Variants in COL4A1 observed in about 807,000 individuals in gnomAD.
The protein encoded by COL4A1 is collagen alpha-1(IV) chain.
COL4A1 carries 40 observed loss-of-function variants against 216.6 expected under a neutral mutation model. The ratio of observed to expected loss-of-function variants is 0.18; its 90% CI spans 0.14 to 0.24. The LOEUF is 0.24. COL4A1 is among the 10% of genes least tolerant of loss of function. The probability of loss-of-function intolerance (pLI) is 1.00; values close to 1 mark genes in which losing one functional copy is unlikely to be tolerated. For missense variants in COL4A1, 1,628 were observed against 2,196.8 expected, an observed-to-expected ratio of 0.74 and a Z score of 5.18; for synonymous variants, 839 against 810.7, an observed-to-expected ratio of 1.03 and a Z score of -0.59.
chr13:110,154,207 T>C (rs1395983770), intron 50 of COL4A1, among the ~76,000 whole-genome samples: 3 of 152,242 alleles, frequency 2.0e-5, no homozygotes, highest in Admixed American at 6.5e-5. Flanking sequence ...TTACTGGGAA[T>C]TGGCAAATTC....
intron 51 of COL4A1, among the ~76,000 whole-genome samples, chr13:110,151,632 C>G (rs1876501326): frequency 6.6e-6 from 1 of 152,286 alleles, no homozygotes; most frequent in East Asian, 1.9e-4. Flanking sequence ...GTGAGAAGCG[C>G]TTGTTTTGGA....
At chr13:110,277,656 A>C (rs1883480227) in intron 1 of COL4A1, among the ~76,000 whole-genome samples, 1 of 152,122 alleles carries the variant, frequency 6.6e-6, no homozygotes, top group Non-Finnish European at 1.5e-5. Context: ...TGCACTCATA[A>C]CCCCTAAATC....
At chr13:110,176,772 C>G (rs761747558) in intron 34 of COL4A1, 48 bp from the exon 35 acceptor site, 12 of 1,613,718 alleles carry the variant, frequency 7.4e-6, no homozygotes, top group Non-Finnish European at 1.0e-5. Context: ...TGCTTGCAAG[C>G]AAGTTGCTGC....
In COL4A1 at chr13:110,149,886, C is replaced by A. The variant is rs886049955; in HGVS notation, c.*477G>T. On this transcript the variant is annotated 3_prime_UTR_variant, in exon 52 of 52. Coordinates refer to ENST00000375820, the MANE Select transcript of COL4A1 (RefSeq NM_001845.6). ...GAGTCTGTAATTCCATTTGGAGGTT[C>A]AAAAAACCATTTTTACATTGCTATT... 24 of 185,692 alleles carry A rather than the reference C, an allele frequency of 1.3e-4. No homozygotes were observed. Among genetic ancestry groups the A allele is most frequent in the Non-Finnish European group, 6.9e-5 (6 of 86,864 alleles). The allele number at this position is 185,692 out of a possible 1,614,324, so 11.5% of individuals were successfully genotyped here. A position where few individuals can be genotyped will look rare whatever the true frequency, so the allele number is the denominator to read the frequency against.
At chr13:110,283,891 G>A (rs1445793166) in intron 1 of COL4A1, among the ~76,000 whole-genome samples, 4 of 152,166 alleles carry the variant, frequency 2.6e-5, no homozygotes, top group African/African-American at 7.2e-5. Context: ...GTCACATGTC[G>A]ACAGGATGGG....
At chr13:110,197,151 C>T (rs113825925) in intron 21 of COL4A1, among the ~76,000 whole-genome samples, 3,755 of 151,358 alleles carry the variant, frequency 0.025, 153 homozygotes, top group African/African-American at 0.084. Context: ...CCACCATTGG[C>T]TCCCTCACCC....
intron 21 of COL4A1, 84 bp downstream of exon 21, chr13:110,198,383 A>T: frequency 6.9e-7 from 1 of 1,440,796 alleles, no homozygotes. Flanking sequence ...GCTGTGGGGG[A>T]CTATCACAGC....
chr13:110,161,161 T>G (rs747105562), intron 49 of COL4A1, 31 bp downstream of exon 49: 1 of 1,608,512 alleles, frequency 6.2e-7, no homozygotes, highest in Non-Finnish European at 8.5e-7. Context: ...CTCTTCAATT[T>G]TGCATTTGTT....
intron 1 of COL4A1, among the ~76,000 whole-genome samples, chr13:110,247,033 A>G (rs1005469132): frequency 2.0e-5 from 3 of 152,150 alleles, no homozygotes; most frequent in Admixed American, 6.5e-5. Flanking sequence ...CAACACAGGT[A>G]CCCCAGACCA....
intron 47 of COL4A1, among the ~76,000 whole-genome samples, chr13:110,162,805 G>A (rs1402599101): frequency 6.6e-6 from 1 of 152,146 alleles, no homozygotes; most frequent in Non-Finnish European, 1.5e-5. Flanking sequence ...TCATTCACAC[G>A]GAATCGTGGG....
intron 1 of COL4A1, among the ~76,000 whole-genome samples, chr13:110,301,909 T>C (rs1884509938): frequency 6.6e-6 from 1 of 152,150 alleles, no homozygotes; most frequent in Non-Finnish European, 1.5e-5. Flanking sequence ...AGATAGTAGG[T>C]GGCCATGGCA....
chr13:110,293,327 T>C (rs1215381520), intron 1 of COL4A1, among the ~76,000 whole-genome samples: 2 of 152,100 alleles, frequency 1.3e-5, no homozygotes, highest in Non-Finnish European at 2.9e-5. Flanking sequence ...GTCAGTAAAA[T>C]GTTGTAGAGG....
chr13:110,151,437 A>C (rs1025198633), intron 51 of COL4A1, among the ~76,000 whole-genome samples: 1 of 152,234 alleles, frequency 6.6e-6, no homozygotes, highest in Admixed American at 6.5e-5. Flanking sequence ...TCAAGTTTCC[A>C]GTTCCTTGAA....
chr13:110,235,470 G>A (rs1302750856), intron 2 of COL4A1, among the ~76,000 whole-genome samples: 1 of 152,068 alleles, frequency 6.6e-6, no homozygotes, highest in African/African-American at 2.4e-5. Context: ...CTAACAGGGT[G>A]AAACCCCGTC....
At position 110,207,494 on chromosome 13, in the gene COL4A1, C is replaced by G; in HGVS notation, c.694-5G>C. On this transcript the variant is annotated splice_polypyrimidine_tract_variant and splice_region_variant and intron_variant, in intron 12 of 51. Transcript: ENST00000375820. The surrounding 1 kb of genome is among the most constrained non-coding windows in gnomAD (Gnocchi z 4.4). ...CCCACTGACCCCTTGGTCACCCTGT[C>G]GACATAAAAATGTAAAATTAATTAG... 6.2e-7 allele frequency: 1 copy of G among 1,612,908 alleles called. No individual in the cohort carries two copies. The highest frequency in any genetic ancestry group is 8.5e-7 in the Non-Finnish European group (1 of 1,179,206).
At chr13:110,170,405 A>G in intron 42 of COL4A1, 142 bp downstream of exon 42, 1 of 929,286 alleles carries the variant, frequency 1.1e-6, no homozygotes, top group Non-Finnish European at 1.6e-6. Flanking sequence ...ATGGGGGCCA[A>G]ACACAATTTC....
intron 2 of COL4A1, among the ~76,000 whole-genome samples, chr13:110,232,002 A>C (rs1192913472): frequency 6.6e-6 from 1 of 152,192 alleles, no homozygotes; most frequent in East Asian, 1.9e-4. Context: ...GTATTTGTCC[A>C]AATATCTAAT....
At chr13:110,245,701 G>A (rs957406401) in intron 1 of COL4A1, among the ~76,000 whole-genome samples, 1 of 152,200 alleles carries the variant, frequency 6.6e-6, no homozygotes, top group African/African-American at 2.4e-5. Flanking sequence ...TAAGCCATCC[G>A]TGAATGCTTC....
intron 2 of COL4A1, among the ~76,000 whole-genome samples, chr13:110,235,388 C>A (rs562605446): frequency 2.0e-5 from 3 of 152,142 alleles, no homozygotes; most frequent in African/African-American, 4.8e-5. Flanking sequence ...CAGTGGCTCA[C>A]GCCTGTAATC....
Sources: gnomAD v4.1 joint callset for allele counts (sites outside exome capture counted in the v4.1 genomes callset) on GRCh38, gnomAD v4.1.1 for gene constraint, Gnocchi (gnomAD v3.1) non-coding constraint, MANE v1.5 for transcripts, NCBI Gene and HGNC (gene_info 2026-07-23, HGNC 2026-07-21) for gene names.